Variants in ZNF560 observed in about 807,000 individuals in gnomAD.
ZNF560 encodes zinc finger protein 560.
In ZNF560, 54 loss-of-function variants were observed where a neutral mutation model predicts 81.8. That is an observed-to-expected ratio of 0.66 (90% CI 0.53 to 0.83). The LOEUF (loss-of-function observed/expected upper bound fraction) is 0.83. Among genes scored for constraint, ZNF560 ranks in the 40% least tolerant of loss-of-function variants. ZNF560 has a pLI of 0.00. For missense variants in ZNF560, 940 were observed against 932.4 expected (o/e 1.01, Z -0.11); for synonymous variants, 321 against 317.9 (o/e 1.01, Z -0.10).
chr19:9,458,883 C>T, the ZNF560 span, among the ~76,000 whole-genome samples: 3 of 152,240 alleles, frequency 2.0e-5, no homozygotes, highest in Non-Finnish European at 4.4e-5. Flanking sequence ...GGATGTCACA[C>T]ATGTTCCCTC....
the ZNF560 span, among the ~76,000 whole-genome samples, chr19:9,456,388 G>T: frequency 6.6e-6 from 1 of 152,180 alleles, no homozygotes; most frequent in Non-Finnish European, 1.5e-5. Flanking sequence ...ATCTACCTCT[G>T]TTCCTTAAAA....
At chr19:9,456,692 C>T in the ZNF560 span, among the ~76,000 whole-genome samples, 3 of 152,148 alleles carry the variant, frequency 2.0e-5, no homozygotes, top group African/African-American at 7.2e-5. Context: ...GTTGATAAAG[C>T]CCCTGAAGTA....
downstream of ZNF560, among the ~76,000 whole-genome samples, chr19:9,461,829 G>A (rs894099864): frequency 3.9e-5 from 6 of 152,164 alleles, no homozygotes; most frequent in Admixed American, 1.3e-4. Flanking sequence ...ACTTGTCTTC[G>A]GATGTTGCAA....
At chr19:9,502,924 G>A (rs1337516678), upstream of ZNF560, among the ~76,000 whole-genome samples, 2 of 151,934 alleles carry the variant, frequency 1.3e-5, no homozygotes, top group South Asian at 2.1e-4. Flanking sequence ...GATTCTCATT[G>A]AATAGATTCT....
intron 2 of ZNF560, among the ~76,000 whole-genome samples, chr19:9,490,206 G>A (rs2073449495): frequency 6.6e-6 from 1 of 152,214 alleles, no homozygotes. Flanking sequence ...TTCAGAAATA[G>A]ATAACTGAAG....
At chr19:9,471,425 AGGT>A in intron 5 of ZNF560, 47 bp from the exon 6 acceptor site, 1 of 1,343,966 alleles carries the variant, frequency 7.4e-7, no homozygotes, top group Non-Finnish European at 1.0e-6. Context: ...TTAAAAAAAA[AGGT>A]AAAATGAAAG....
At chr19:9,456,738 C>T in the ZNF560 span, among the ~76,000 whole-genome samples, 3 of 152,056 alleles carry the variant, frequency 2.0e-5, no homozygotes, top group Admixed American at 6.6e-5. Flanking sequence ...GTAAAGGGCC[C>T]GATGGACAAC....
At chr19:9,475,607 CTT>C (rs34316228) in intron 2 of ZNF560, among the ~76,000 whole-genome samples, 28 of 139,822 alleles carry the variant, frequency 2.0e-4, no homozygotes, top group Non-Finnish European at 2.2e-4. Context: ...GGTAAAGAAA[CTT>C]TTTTTTTTTT....
chr19:9,485,943 C>G (rs1350375120), intron 2 of ZNF560, among the ~76,000 whole-genome samples: 2 of 152,170 alleles, frequency 1.3e-5, no homozygotes, highest in Admixed American at 1.3e-4. Context: ...ATTGAGCTAC[C>G]ATTCTCCATG....
chr19:9,489,757 T>C (rs1010642060), intron 2 of ZNF560, among the ~76,000 whole-genome samples: 1 of 152,096 alleles, frequency 6.6e-6, no homozygotes, highest in Non-Finnish European at 1.5e-5. Context: ...GCCCAGCTAA[T>C]TTTTTTGTAT....
chr19:9,457,852 A>G, the ZNF560 span, among the ~76,000 whole-genome samples: 2 of 152,194 alleles, frequency 1.3e-5, no homozygotes, highest in Admixed American at 6.5e-5. Flanking sequence ...AGGAGATCCT[A>G]GTGTCACAAG....
chr19:9,495,129 G>C (rs10402821), intron 2 of ZNF560, among the ~76,000 whole-genome samples: 6,938 of 151,818 alleles, frequency 0.046, 540 homozygotes, highest in African/African-American at 0.16. Context: ...AACAGAGCAA[G>C]ACTCTATCAC....
At chr19:9,502,150 T>C (rs1228315895), upstream of ZNF560, among the ~76,000 whole-genome samples, 1 of 150,154 alleles carries the variant, frequency 6.7e-6, no homozygotes, top group African/African-American at 2.5e-5. Flanking sequence ...CAAGATCTCA[T>C]CTCAAAAAAG....
At chr19:9,483,699 G>A (rs544826183) in intron 2 of ZNF560, among the ~76,000 whole-genome samples, 56 of 148,624 alleles carry the variant, frequency 3.8e-4, no homozygotes, top group Middle Eastern at 3.9e-3. Flanking sequence ...CCCGGCCGCC[G>A]CCCCGTCTGG....
chr19:9,493,211 G>C (rs1330086386), intron 2 of ZNF560, among the ~76,000 whole-genome samples: 1 of 151,908 alleles, frequency 6.6e-6, no homozygotes, highest in Non-Finnish European at 1.5e-5. Context: ...AGGAAGGTTT[G>C]AGTCACTCCA....
chr19:9,503,264 T>C (rs1420086703), upstream of ZNF560, among the ~76,000 whole-genome samples: 1 of 152,144 alleles, frequency 6.6e-6, no homozygotes, highest in Non-Finnish European at 1.5e-5. Context: ...CTCTCTTCAT[T>C]GCATCCTATA....
intron 2 of ZNF560, among the ~76,000 whole-genome samples, chr19:9,483,739 C>A (rs2073340149): frequency 6.6e-6 from 1 of 151,850 alleles, no homozygotes; most frequent in African/African-American, 2.4e-5. Flanking sequence ...CCCGGCTGCC[C>A]CTTCTGGGAA....
chr19:9,466,922 T>A lies in ZNF560; in HGVS notation c.2025A>T (p.Leu675Phe). 1 of 1,614,160 alleles carries A rather than the reference T, an allele frequency of 6.2e-7. No homozygotes were observed. The highest frequency in any genetic ancestry group is 1.1e-5 in the South Asian group (1 of 91,078). ...YSRSCVLTQHLKTHAAEKTSE... is the reference protein window; with the variant it reads ...YSRSCVLTQHFKTHAAEKTSE... ...AGGTCTTCTCTGCTGCATGAGTTTT[T>A]AAGTGTTGAGTTAGTACACAAGACC... is the stretch of plus-strand genomic sequence containing the variant. The change falls in exon 10 of 10, where the codon TTA (leucine) becomes TTT (phenylalanine). Residue 675 changes from leucine to phenylalanine, a missense_variant. Physicochemically the swap from Leu to Phe is conservative, Grantham distance 22. Coordinates refer to ENST00000301480, the MANE Select transcript of ZNF560 (RefSeq NM_152476.3).
chr19:9,485,627 C>A (rs1405992659), intron 2 of ZNF560, among the ~76,000 whole-genome samples: 1 of 151,166 alleles, frequency 6.6e-6, no homozygotes, highest in Non-Finnish European at 1.5e-5. Flanking sequence ...CTCACTGCAA[C>A]CTCCACCTCC....
Sources: gnomAD v4.1 joint callset for allele counts (sites outside exome capture counted in the v4.1 genomes callset) on GRCh38, gnomAD v4.1.1 for gene constraint, MANE v1.5 for transcripts, NCBI Gene and HGNC (gene_info 2026-07-23, HGNC 2026-07-21) for gene names.